Variants in DLG2 observed in about 807,000 individuals in gnomAD.
The protein encoded by DLG2 is disks large homolog 2.
A neutral mutation model predicts 132.5 loss-of-function variants in DLG2; 45 were observed. The observed-to-expected ratio is 0.34, with a 90% confidence interval of 0.27 to 0.44. DLG2 has a LOEUF of 0.44. Among genes scored for constraint, DLG2 ranks in the 20% least tolerant of loss-of-function variants. The pLI, the probability that DLG2 is intolerant of heterozygous loss-of-function variation, is 1.00. For missense variants in DLG2, 1,045 were observed against 1,196.9 expected (o/e 0.87, Z 1.87); for synonymous variants, 424 against 419.6 (o/e 1.01, Z -0.13).
At chr11:84,814,622 C>T (rs1285355710) in intron 6 of DLG2, among the ~76,000 whole-genome samples, 3 of 152,060 alleles carry the variant, frequency 2.0e-5, no homozygotes, top group African/African-American at 4.8e-5. Context: ...ATGCATCATG[C>T]TTCTCATCTC....
At chr11:85,554,972 C>T (rs565015468) in intron 3 of DLG2, among the ~76,000 whole-genome samples, 1 of 151,708 alleles carries the variant, frequency 6.6e-6, no homozygotes, top group South Asian at 2.1e-4. Context: ...CAGTCTGCTG[C>T]ACCCATTCCC....
intron 3 of DLG2, among the ~76,000 whole-genome samples, chr11:85,505,181 C>A (rs967290212): frequency 1.3e-5 from 2 of 152,216 alleles, no homozygotes; most frequent in African/African-American, 4.8e-5. Context: ...AACAATTTGA[C>A]TTCCTCTTTT....
chr11:84,834,821 G>A, intron 6 of DLG2, among the ~76,000 whole-genome samples: 1 of 147,022 alleles, frequency 6.8e-6, no homozygotes, highest in African/African-American at 2.5e-5. Context: ...TCAACAAAAG[G>A]ATTAAATATC....
chr11:84,130,647 T>G (rs1178223796), intron 9 of DLG2, among the ~76,000 whole-genome samples: 1 of 151,164 alleles, frequency 6.6e-6, no homozygotes, highest in South Asian at 2.1e-4. Flanking sequence ...TAAGGTAAAA[T>G]AATCATGTAT....
At chr11:83,498,965 A>G (rs1047958405) in intron 21 of DLG2, among the ~76,000 whole-genome samples, 1 of 152,138 alleles carries the variant, frequency 6.6e-6, no homozygotes, top group African/African-American at 2.4e-5. Flanking sequence ...GATAAGATGG[A>G]CTAATTCCTA....
At chr11:85,527,213 T>C (rs1432851210) in intron 3 of DLG2, among the ~76,000 whole-genome samples, 2 of 152,004 alleles carry the variant, frequency 1.3e-5, no homozygotes, top group Admixed American at 6.6e-5. Context: ...AGTTCTGGGA[T>C]GCATGTGCCA....
At position 83,768,682 on chromosome 11, in the gene DLG2, G is replaced by A. The variant is rs1028272052; in HGVS notation, c.1825+18008C>T. Among the ~76,000 whole-genome samples the A allele has an allele frequency of 4.6e-5, 7 of 152,336 alleles. 1 individual carries two copies. The South Asian group carries it at 1.2e-3, about 27-fold the overall frequency. On this transcript the variant is annotated intron_variant, in intron 18 of 27. Transcript: ENST00000376104. ...AAGCCCCAGGGCTTGGCAGCACAAC[G>A]TGGCTCAGCAGATCCTGAGGCCATG...
intron 3 of DLG2, among the ~76,000 whole-genome samples, chr11:85,406,325 C>G (rs2152972711): frequency 6.6e-6 from 1 of 151,110 alleles, no homozygotes; most frequent in East Asian, 2.0e-4. Flanking sequence ...ATAAATATCA[C>G]TGAGAAAAGA....
intron 3 of DLG2, among the ~76,000 whole-genome samples, chr11:85,428,799 GAGACACAAAAAA>G (rs2090962142): frequency 1.3e-5 from 2 of 152,130 alleles, no homozygotes; most frequent in Admixed American, 1.3e-4. Context: ...GAAGGAGATA[GAGACACAAAAAA>G]CCCTTCAAAA....
chr11:84,953,875 G>A (rs899048042), intron 6 of DLG2, among the ~76,000 whole-genome samples: 1 of 152,110 alleles, frequency 6.6e-6, no homozygotes, highest in Non-Finnish European at 1.5e-5. Context: ...GTTCCAGGCA[G>A]TTGAAATGCT....
rs538324579 is a variant in DLG2, at chr11:84,232,657, G to A, written c.573+18581C>T. ...CTCTTCTCTATGTGAGGACACAGCA[G>A]AAGGATGGTTATCTGCAAACCAGCA... On this transcript the variant is annotated intron_variant, in intron 8 of 27. Transcript: ENST00000376104. Among the ~76,000 whole-genome samples, 9 of 152,164 alleles carry A rather than the reference G, an allele frequency of 5.9e-5. No homozygotes were observed. In the East Asian group the frequency reaches 1.7e-3, roughly 29 times the overall value.
At chr11:84,522,963 T>G (rs1000427440) in intron 7 of DLG2, among the ~76,000 whole-genome samples, 1 of 152,162 alleles carries the variant, frequency 6.6e-6, no homozygotes, top group African/African-American at 2.4e-5. Context: ...CCCAACTCAT[T>G]TGCTACAATT....
intron 6 of DLG2, among the ~76,000 whole-genome samples, chr11:84,766,608 C>G (rs754603443): frequency 2.0e-4 from 30 of 152,042 alleles, no homozygotes; most frequent in Non-Finnish European, 3.8e-4. Context: ...AATTAACCGA[C>G]TTACTGGATC....
chr11:84,646,839 C>T (rs1398670074), intron 6 of DLG2, among the ~76,000 whole-genome samples: 1 of 152,050 alleles, frequency 6.6e-6, no homozygotes. Context: ...TGTGCTGGAC[C>T]CTGAAATGAA....
At chr11:83,996,000 C>G (rs2094001617) in intron 11 of DLG2, among the ~76,000 whole-genome samples, 1 of 152,042 alleles carries the variant, frequency 6.6e-6, no homozygotes. Flanking sequence ...TAAAAGGCTT[C>G]TGATAGTAAA....
At chr11:84,801,668 G>A (rs1300468447) in intron 6 of DLG2, among the ~76,000 whole-genome samples, 1 of 152,202 alleles carries the variant, frequency 6.6e-6, no homozygotes, top group African/African-American at 2.4e-5. Context: ...AATCATGGGA[G>A]CCAGGGTCAA....
intron 7 of DLG2, among the ~76,000 whole-genome samples, chr11:84,497,504 G>T (rs1196909476): frequency 1.3e-5 from 2 of 152,012 alleles, no homozygotes; most frequent in Non-Finnish European, 2.9e-5. Flanking sequence ...TAGGGGATGA[G>T]GATTAGAGAT....
chr11:85,500,500 C>T (rs1194057082), intron 3 of DLG2, among the ~76,000 whole-genome samples: 3 of 141,934 alleles, frequency 2.1e-5, no homozygotes, highest in Admixed American at 2.0e-4. Flanking sequence ...ATGTAACTAA[C>T]CTGCACAATG....
At chr11:83,854,333 C>T (rs192310605) in intron 16 of DLG2, among the ~76,000 whole-genome samples, 1 of 152,058 alleles carries the variant, frequency 6.6e-6, no homozygotes, top group African/African-American at 2.4e-5. Flanking sequence ...TTAGTGCAAT[C>T]CCAATCAAAA....
Sources: allele counts gnomAD v4.1 joint callset (sites outside exome capture counted in the v4.1 genomes callset), GRCh38; gene constraint gnomAD v4.1.1; transcripts MANE v1.5; gene names NCBI Gene and HGNC (gene_info 2026-07-23, HGNC 2026-07-21).